The following ERCC6L2 variants were observed in gnomAD, a reference collection of about 807,000 sequenced individuals.
ERCC6L2 encodes the protein DNA excision repair protein ERCC-6-like 2.
A neutral mutation model predicts 132.0 loss-of-function variants in ERCC6L2; 77 were observed. The observed-to-expected ratio is 0.58, with a 90% CI of 0.49 to 0.71. The LOEUF (loss-of-function observed/expected upper bound fraction) is 0.71, where lower values mean the gene tolerates loss of function less well. Ranked by LOEUF, ERCC6L2 falls within the 30% of genes least tolerant of loss-of-function variation. The pLI is 0.00. For synonymous variants in ERCC6L2, 583 were observed against 632.4 expected, an observed-to-expected ratio of 0.92 and a Z score of 1.17; for missense variants, 1,542 against 1,837.6, an observed-to-expected ratio of 0.84 and a Z score of 2.94.
intron 2 of ERCC6L2, among the ~76,000 whole-genome samples, chr9:95,885,535 T>A (rs559015498): frequency 2.0e-5 from 3 of 152,344 alleles, no homozygotes; most frequent in African/African-American, 7.2e-5. Flanking sequence ...TTCACAGAAT[T>A]TTCACATCTA....
At chr9:95,951,398 A>G (rs6479036) in intron 12 of ERCC6L2, among the ~76,000 whole-genome samples, 89,953 of 151,940 alleles carry the variant, frequency 0.59, 26,869 homozygotes, top group East Asian at 0.79. Flanking sequence ...ACCTTAAGGA[A>G]CTAGGAAAAG....
intron 11 of ERCC6L2, among the ~76,000 whole-genome samples, chr9:95,939,609 G>A (rs574466148): frequency 1.3e-5 from 2 of 152,034 alleles, no homozygotes; most frequent in African/African-American, 4.8e-5. Flanking sequence ...GGCAAGTTTT[G>A]TATTTCAGCT....
At chr9:95,998,595 G>A (rs1296457167) in intron 17 of ERCC6L2, among the ~76,000 whole-genome samples, 1 of 152,182 alleles carries the variant, frequency 6.6e-6, no homozygotes, top group Non-Finnish European at 1.5e-5. Flanking sequence ...AGAGAAGAAG[G>A]GTTGCTAGCT....
intron 11 of ERCC6L2, 95 bp downstream of exon 11, chr9:95,928,959 C>G (rs1830220310): frequency 1.1e-6 from 1 of 941,400 alleles, no homozygotes; most frequent in Non-Finnish European, 1.5e-6. Context: ...TTTTTAATGG[C>G]TATGCTTATT....
Position 95,915,773 on chromosome 9 carries a change from C to T in ERCC6L2, c.894C>T (p.Gly298=). 6.2e-7 allele frequency: 1 copy of T among 1,613,886 alleles called. No homozygotes were observed. The highest frequency in any genetic ancestry group is 8.5e-7 in the Non-Finnish European group (1 of 1,179,864). The change falls in exon 5 of 19, where the codon GGC becomes GGT. Residue 298 remains glycine (G), a synonymous_variant. Coordinates refer to ENST00000653738, the MANE Select transcript of ERCC6L2 (RefSeq NM_020207.7). ...CTTTGAAATGTAATGTCCGCATTGG[C>T]CTCACTGGAACCATCCTTCAGAACA... ...MKALKCNVRI[G]LTGTILQNNM...
rs556534978 is a variant in ERCC6L2 at position 96,018,018 on chromosome 9, T to C, written c.*4815T>C. Among the ~76,000 whole-genome samples the C allele has an allele frequency of 1.3e-5, 2 of 152,194 alleles. No individual in the cohort carries two copies. The highest frequency in any genetic ancestry group is 2.4e-5 in the African/African-American group (1 of 41,428). ...GACAAATACTGTATGATTCCACTTA[T>C]ATAAAGTACCTAGATTAGTCAGATT... On this transcript the variant is annotated 3_prime_UTR_variant, in exon 19 of 19. Transcript: ENST00000653738.
At chr9:95,982,590 G>A (rs1219494578) in intron 17 of ERCC6L2, among the ~76,000 whole-genome samples, 5 of 152,070 alleles carry the variant, frequency 3.3e-5, no homozygotes, top group Admixed American at 3.3e-4. Flanking sequence ...CTCTTACTGG[G>A]TGGGATATTT....
At chr9:95,899,337 G>A (rs1828633835) in intron 3 of ERCC6L2, among the ~76,000 whole-genome samples, 1 of 151,870 alleles carries the variant, frequency 6.6e-6, no homozygotes, top group Non-Finnish European at 1.5e-5. Flanking sequence ...AGTAGTCCCA[G>A]GTACTTCGGA....
Position 95,881,238 on chromosome 9 carries a change from TC to T in ERCC6L2, c.418del (p.His140MetfsTer45). On this transcript the variant is annotated frameshift_variant, in exon 2 of 19. Coordinates refer to ENST00000653738, the MANE Select transcript of ERCC6L2 (RefSeq NM_020207.7). LOFTEE classifies it high-confidence loss of function. ...EGTRFLYGHY[I>X]HGGGCILGDD... ...ACCCGGTTTCTTTATGGACACTACA[TC>T]CATGGAGGAGGGTGCATTCTGGGTG... 6.3e-7 allele frequency: 1 copy of T among 1,592,290 alleles called. No individual in the cohort carries two copies. Among genetic ancestry groups the T allele is most frequent in the Non-Finnish European group, 8.5e-7 (1 of 1,174,412 alleles).
At chr9:95,991,826 C>T (rs923425612) in intron 17 of ERCC6L2, among the ~76,000 whole-genome samples, 2 of 152,100 alleles carry the variant, frequency 1.3e-5, no homozygotes, top group Non-Finnish European at 2.9e-5. Flanking sequence ...AAAAATCACA[C>T]ATGGGGAAAA....
At chr9:95,929,037 C>A in intron 11 of ERCC6L2, 173 bp downstream of exon 11, 1 of 464,462 alleles carries the variant, frequency 2.2e-6, no homozygotes. Context: ...GCTTTTCTCT[C>A]ATTTCCTTTA....
At position 95,972,451 on chromosome 9, in the gene ERCC6L2, T is replaced by A. The variant is rs948251461; in HGVS notation, c.2700T>A (p.Asp900Glu). Residue 900 changes from aspartate to glutamate, a missense_variant, in exon 16 of 19, where the codon GAT becomes GAA. By Grantham distance (45) the Asp-to-Glu change is conservative (BLOSUM62 2). Coordinates refer to ENST00000653738, the MANE Select transcript of ERCC6L2 (RefSeq NM_020207.7). ...TACAGAATGTCACAGAATCAGAAGA[T>A]AGTGATGTCATCTGTCCTACACAAT... ...CILQNVTESE[D>E]SDVICPTQYT... is the part of the protein sequence containing the mutation. The A allele has an allele frequency of 2.3e-6, 3 of 1,283,238 alleles. No homozygotes were observed. The highest frequency in any genetic ancestry group is 3.1e-5 in the African/African-American group (2 of 65,504). The allele number at this position is 1,283,238 out of a possible 1,614,324, so 79.5% of individuals were successfully genotyped here.
intron 4 of ERCC6L2, among the ~76,000 whole-genome samples, chr9:95,909,758 C>T (rs906707959): frequency 2.0e-5 from 3 of 152,094 alleles, no homozygotes; most frequent in African/African-American, 7.2e-5. Context: ...AACTTCAAGG[C>T]ATATTTGTAT....
At position 96,014,891 on chromosome 9, in the gene ERCC6L2, C is replaced by T. The variant is rs1834145233; in HGVS notation, c.*1688C>T. ...ACAATGTGATCAGCTATCTGAGGAA[C>T]TCCAGTAAGTAGATACCACTTCATT... On this transcript the variant is annotated 3_prime_UTR_variant, in exon 19 of 19. Transcript: ENST00000653738. 6.6e-6 allele frequency among the ~76,000 whole-genome samples: 1 copy of T among 151,978 alleles called. No individual in the cohort carries two copies. Among genetic ancestry groups the T allele is most frequent in the Non-Finnish European group, 1.5e-5 (1 of 68,004 alleles).
chr9:95,984,554 T>A (rs1056277833), intron 17 of ERCC6L2, among the ~76,000 whole-genome samples: 4 of 152,090 alleles, frequency 2.6e-5, no homozygotes, highest in Admixed American at 6.6e-5. Flanking sequence ...CCTCTTACAC[T>A]CTTTCTGCTT....
At position 95,900,497 on chromosome 9, in the gene ERCC6L2, T is replaced by C. The variant is rs757420095; in HGVS notation, c.594+2526T>C. Among the ~76,000 whole-genome samples, 35 of 152,316 alleles carry C rather than the reference T, an allele frequency of 2.3e-4. 1 individual carries two copies. Among genetic ancestry groups the C allele is most frequent in the Non-Finnish European group, 8.8e-5 (6 of 68,008 alleles). ...TTATCTGTGGCCCTAATTTTTATTCTCTTTTACCCAAGTACTATTTGAAAG... is the reference window on the plus strand; with the variant it reads ...TTATCTGTGGCCCTAATTTTTATTCCCTTTTACCCAAGTACTATTTGAAAG... On this transcript the variant is annotated intron_variant, in intron 3 of 18. Transcript: ENST00000653738.
At chr9:96,026,776 CAA>C (rs1310962854) in intron 19 of ERCC6L2, among the ~76,000 whole-genome samples, 10 of 100,768 alleles carry the variant, frequency 9.9e-5, no homozygotes, top group African/African-American at 1.4e-4. Context: ...ACACCACACA[CAA>C]ACACCACACA....
At chr9:95,983,203 A>G (rs4743443) in intron 17 of ERCC6L2, among the ~76,000 whole-genome samples, 23,594 of 152,126 alleles carry the variant, frequency 0.16, 1,943 homozygotes, top group Admixed American at 0.2. Context: ...CTTTAATTTT[A>G]TGTGAAGTAC....
At chr9:95,987,155 G>T (rs935273461) in intron 17 of ERCC6L2, among the ~76,000 whole-genome samples, 1 of 152,050 alleles carries the variant, frequency 6.6e-6, no homozygotes, top group Non-Finnish European at 1.5e-5. Flanking sequence ...ATGAGATTTG[G>T]GTGGGGACAC....
Sources: gnomAD v4.1 joint callset for allele counts (sites outside exome capture counted in the v4.1 genomes callset) on GRCh38, gnomAD v4.1.1 for gene constraint, MANE v1.5 for transcripts, NCBI Gene and HGNC (gene_info 2026-07-23, HGNC 2026-07-21) for gene names.